The following GRID2 variants were observed in gnomAD, a reference collection of about 807,000 sequenced individuals.
The protein encoded by GRID2 is glutamate receptor ionotropic, delta-2.
In GRID2, 33 loss-of-function variants were observed where a neutral mutation model predicts 114.8. That is an observed-to-expected ratio of 0.29 (90% CI 0.22 to 0.38). The LOEUF is 0.38. Among genes scored for constraint, GRID2 ranks in the 10% least tolerant of loss-of-function variants. GRID2 has a pLI of 1.00. For synonymous variants in GRID2, 505 were observed against 449.9 expected, an observed-to-expected ratio of 1.12 and a Z score of -1.55; for missense variants, 1,184 against 1,257.7, an observed-to-expected ratio of 0.94 and a Z score of 0.89.
intron 2 of GRID2, among the ~76,000 whole-genome samples, chr4:93,043,212 C>G (rs1725773657): frequency 6.6e-6 from 1 of 152,096 alleles, no homozygotes. Flanking sequence ...TGGTAACTTT[C>G]AAGATCATTC....
chr4:93,737,366 TCCA>T (rs1731017120), intron 14 of GRID2, among the ~76,000 whole-genome samples: 1 of 151,976 alleles, frequency 6.6e-6, no homozygotes, highest in Non-Finnish European at 1.5e-5. Flanking sequence ...ACCTCAAATC[TCCA>T]CCACTAGATT....
chr4:92,861,131 A>G (rs1045206408), intron 2 of GRID2, among the ~76,000 whole-genome samples: 1 of 152,108 alleles, frequency 6.6e-6, no homozygotes, highest in South Asian at 2.1e-4. Flanking sequence ...AGCAGGATTT[A>G]TCATTACTGT....
intron 11 of GRID2, among the ~76,000 whole-genome samples, chr4:93,458,684 A>G (rs1723430144): frequency 1.3e-5 from 2 of 152,302 alleles, no homozygotes; most frequent in South Asian, 2.1e-4. Flanking sequence ...TATAACTTAT[A>G]TAAGTGTCAC....
At chr4:92,942,802 A>G (rs1751267722) in intron 2 of GRID2, among the ~76,000 whole-genome samples, 2 of 152,178 alleles carry the variant, frequency 1.3e-5, no homozygotes, top group South Asian at 2.1e-4. Context: ...TTGTCTGTAA[A>G]GGATTTTATT....
At position 93,709,979 on chromosome 4, in the gene GRID2, T is replaced by C. The variant is rs111258282; in HGVS notation, c.2361-59231T>C. Among the ~76,000 whole-genome samples the C allele has an allele frequency of 5.5e-3, 836 of 152,324 alleles. 7 individuals are homozygous for C. The highest frequency in any genetic ancestry group is 0.019 in the African/African-American group (793 of 41,584). ...GAATTCTGAATTTTTTTCTCTGTTATCTTGAATTTCATTGAACTTCCTTAA... is the reference window on the plus strand; with the variant it reads ...GAATTCTGAATTTTTTTCTCTGTTACCTTGAATTTCATTGAACTTCCTTAA... On this transcript the variant is annotated intron_variant, in intron 14 of 15. Coordinates refer to ENST00000282020, the MANE Select transcript of GRID2 (RefSeq NM_001510.4).
chr4:93,483,728 T>G (rs1726095874), intron 11 of GRID2, among the ~76,000 whole-genome samples: 1 of 151,926 alleles, frequency 6.6e-6, no homozygotes, highest in Admixed American at 6.6e-5. Flanking sequence ...CACATCAAAA[T>G]GAAAATCTGG....
At chr4:92,319,980 G>T (rs1726226107) in intron 1 of GRID2, among the ~76,000 whole-genome samples, 1 of 152,154 alleles carries the variant, frequency 6.6e-6, no homozygotes, top group African/African-American at 2.4e-5. Context: ...CTGCATTTGT[G>T]GTGGAAGGTG....
chr4:92,920,098 A>G (rs372148944), intron 2 of GRID2, among the ~76,000 whole-genome samples: 7 of 152,210 alleles, frequency 4.6e-5, no homozygotes, highest in African/African-American at 1.2e-4. Flanking sequence ...TTACCATTAT[A>G]TAATGGCCTT....
intron 13 of GRID2, among the ~76,000 whole-genome samples, chr4:93,544,361 A>C (rs909232623): frequency 4.6e-5 from 7 of 152,202 alleles, no homozygotes; most frequent in African/African-American, 1.7e-4. Flanking sequence ...CTGATCCACC[A>C]CAAATTATAC....
At chr4:93,384,307 G>A (rs955477580) in intron 8 of GRID2, among the ~76,000 whole-genome samples, 1 of 152,164 alleles carries the variant, frequency 6.6e-6, no homozygotes, top group African/African-American at 2.4e-5. Context: ...TCTCTTGAAA[G>A]AAGAATGGTA....
chr4:93,442,902 T>C (rs1580098490), intron 10 of GRID2, among the ~76,000 whole-genome samples: 1 of 152,028 alleles, frequency 6.6e-6, no homozygotes, highest in South Asian at 2.1e-4. Flanking sequence ...TTGTCTGTTG[T>C]AGTGTATGGC....
intron 1 of GRID2, among the ~76,000 whole-genome samples, chr4:92,449,303 C>T (rs1560638135): frequency 6.6e-6 from 1 of 151,996 alleles, no homozygotes; most frequent in African/African-American, 2.4e-5. Flanking sequence ...GTGCTGCCAG[C>T]AAGATAGGGA....
At chr4:93,012,809 TACTC>T (rs1028990679) in intron 2 of GRID2, among the ~76,000 whole-genome samples, 5 of 152,038 alleles carry the variant, frequency 3.3e-5, no homozygotes, top group African/African-American at 1.2e-4. Context: ...AATAAAAACT[TACTC>T]TGCAGAAATG....
At chr4:92,634,170 T>G (rs1047653476) in intron 2 of GRID2, among the ~76,000 whole-genome samples, 5 of 151,974 alleles carry the variant, frequency 3.3e-5, no homozygotes, top group Non-Finnish European at 2.9e-5. Flanking sequence ...GTTTACGAGT[T>G]TATGTTGGGC....
At chr4:92,600,088 A>T (rs1396955758) in intron 2 of GRID2, among the ~76,000 whole-genome samples, 3 of 119,748 alleles carry the variant, frequency 2.5e-5, no homozygotes, top group Non-Finnish European at 3.5e-5. Context: ...ATATATATAT[A>T]TTTCTCAGAA....
At chr4:92,921,955 C>T (rs550060144) in intron 2 of GRID2, among the ~76,000 whole-genome samples, 3 of 152,198 alleles carry the variant, frequency 2.0e-5, no homozygotes, top group Admixed American at 1.3e-4. Flanking sequence ...GTGGAGTCTA[C>T]AGAGGCAGGC....
rs1268050645 is a variant in GRID2 at position 92,778,806 on chromosome 4, G to A, written c.244+188520G>A. Among the ~76,000 whole-genome samples, 6 of 151,956 alleles carry A rather than the reference G, an allele frequency of 3.9e-5. No homozygotes were observed. In the East Asian group the frequency reaches 9.7e-4, roughly 24 times the overall value. On this transcript the variant is annotated intron_variant, in intron 2 of 15. Coordinates refer to ENST00000282020, the MANE Select transcript of GRID2 (RefSeq NM_001510.4). The stretch of plus-strand genomic sequence containing the variant: ...ATTTCCCATCTAGTGCTTATTAGTG[G>A]TATTTATGTGAAGTTATCTTCAGTA...
At chr4:92,533,223 A>T (rs1284881499) in intron 1 of GRID2, among the ~76,000 whole-genome samples, 1 of 148,978 alleles carries the variant, frequency 6.7e-6, no homozygotes, top group Non-Finnish European at 1.5e-5. Flanking sequence ...AGAAACTTTC[A>T]CAAAACTTGG....
chr4:93,412,883 G>A (rs1767345311), intron 9 of GRID2, among the ~76,000 whole-genome samples: 1 of 152,144 alleles, frequency 6.6e-6, no homozygotes, highest in African/African-American at 2.4e-5. Flanking sequence ...TGCTGAGAAT[G>A]ATGGCTTCCA....
Sources: allele counts gnomAD v4.1 joint callset (sites outside exome capture counted in the v4.1 genomes callset), GRCh38; gene constraint gnomAD v4.1.1; transcripts MANE v1.5; gene names NCBI Gene and HGNC (gene_info 2026-07-23, HGNC 2026-07-21).